CDON: variants seen among roughly 807,000 people sequenced by gnomAD.
CDON encodes cell adhesion associated, oncogene regulated.
A neutral mutation model predicts 120.9 loss-of-function variants in CDON; 73 were observed. The ratio of observed to expected loss-of-function variants is 0.60; its 90% confidence interval spans 0.50 to 0.73. The LOEUF (loss-of-function observed/expected upper bound fraction) is 0.73, where lower values mean the gene tolerates loss of function less well. CDON is among the 30% of genes least tolerant of loss of function. The pLI is 0.00. For synonymous variants in CDON, 566 were observed against 573.5 expected, an observed-to-expected ratio of 0.99 and a Z score of 0.19; for missense variants, 1,470 against 1,587.3, an observed-to-expected ratio of 0.93 and a Z score of 1.26.
chr11:126,031,544 C>G (rs1947945252), intron 1 of CDON, among the ~76,000 whole-genome samples: 1 of 152,134 alleles, frequency 6.6e-6, no homozygotes, highest in South Asian at 2.1e-4. Flanking sequence ...GTTTGGATGA[C>G]CTCAAACATT....
At chr11:126,058,376 C>A (rs547061437) in intron 1 of CDON, among the ~76,000 whole-genome samples, 16 of 152,162 alleles carry the variant, frequency 1.1e-4, no homozygotes, top group Admixed American at 4.6e-4. Context: ...TGCGGACAGG[C>A]ACAAACTGCA....
At chr11:125,992,618 A>C (rs1946663478) in intron 14 of CDON, among the ~76,000 whole-genome samples, 1 of 152,204 alleles carries the variant, frequency 6.6e-6, no homozygotes, top group African/African-American at 2.4e-5. Flanking sequence ...TCATTCCCTC[A>C]TTCAAAAAAT....
At chr11:125,992,986 A>G (rs1946672499) in intron 14 of CDON, among the ~76,000 whole-genome samples, 1 of 152,166 alleles carries the variant, frequency 6.6e-6, no homozygotes. Context: ...GCTTCAATTG[A>G]GCACTTCCAA....
chr11:126,051,136 G>C (rs887579914), intron 1 of CDON, among the ~76,000 whole-genome samples: 1 of 152,124 alleles, frequency 6.6e-6, no homozygotes, highest in African/African-American at 2.4e-5. Flanking sequence ...TGTAGCATTT[G>C]AGATGTGGTG....
intron 18 of CDON, among the ~76,000 whole-genome samples, chr11:125,970,463 G>A (rs371827763): frequency 4.6e-5 from 7 of 152,130 alleles, no homozygotes; most frequent in African/African-American, 1.2e-4. Flanking sequence ...GTGAGCCACC[G>A]CACCCGGCCA....
intron 18 of CDON, among the ~76,000 whole-genome samples, chr11:125,967,955 C>A (rs1945851848): frequency 6.6e-6 from 1 of 152,188 alleles, no homozygotes; most frequent in Non-Finnish European, 1.5e-5. Flanking sequence ...CTCCTAGGCT[C>A]AGGCAATCTT....
intron 7 of CDON, among the ~76,000 whole-genome samples, chr11:126,011,357 T>C (rs1388931055): frequency 6.6e-6 from 1 of 152,232 alleles, no homozygotes; most frequent in Non-Finnish European, 1.5e-5. Context: ...TGTCTTTTTC[T>C]CCAGTCCTCC....
chr11:126,021,853 CA>C (rs1250122563), intron 2 of CDON, among the ~76,000 whole-genome samples: 2 of 152,010 alleles, frequency 1.3e-5, no homozygotes, highest in Non-Finnish European at 2.9e-5. Flanking sequence ...CCTATAATAC[CA>C]GCACTTTGGG....
chr11:125,970,635 C>G (rs941804499), intron 18 of CDON, among the ~76,000 whole-genome samples: 5 of 152,174 alleles, frequency 3.3e-5, no homozygotes, highest in Non-Finnish European at 7.3e-5. Flanking sequence ...GATATCTGCT[C>G]TGTTGGATGC....
intron 16 of CDON, among the ~76,000 whole-genome samples, chr11:125,981,974 T>TTTC (rs1946323204): frequency 1.1e-5 from 1 of 91,774 alleles, no homozygotes; most frequent in Non-Finnish European, 1.9e-5. Flanking sequence ...TATTTTCTTT[T>TTTC]TTTTTTTTTT....
intron 1 of CDON, among the ~76,000 whole-genome samples, chr11:126,040,778 G>A (rs1470186368): frequency 8.3e-6 from 1 of 120,388 alleles, no homozygotes; most frequent in Non-Finnish European, 1.6e-5. Context: ...TGGTGCCACT[G>A]CACTCCAGCT....
intron 2 of CDON, among the ~76,000 whole-genome samples, 178 bp from the exon 3 acceptor site, chr11:126,021,698 T>G (rs1947643951): frequency 6.6e-6 from 1 of 152,230 alleles, no homozygotes; most frequent in African/African-American, 2.4e-5. Flanking sequence ...TAAGCCTATT[T>G]GTTGGAAGTA....
chr11:126,029,070 G>A (rs921412653), intron 1 of CDON, among the ~76,000 whole-genome samples: 1 of 152,174 alleles, frequency 6.6e-6, no homozygotes, highest in East Asian at 1.9e-4. Flanking sequence ...GCACATGAAG[G>A]TAACTCCCCA....
intron 6 of CDON, among the ~76,000 whole-genome samples, chr11:126,016,544 C>T (rs181861750): frequency 6.6e-6 from 1 of 152,230 alleles, no homozygotes; most frequent in East Asian, 1.9e-4. Context: ...ACCACCCTCC[C>T]ACCTCAGCCT....
At chr11:125,986,134 C>T (rs2134471017) in intron 15 of CDON, among the ~76,000 whole-genome samples, 1 of 152,262 alleles carries the variant, frequency 6.6e-6, no homozygotes, top group South Asian at 2.1e-4. Context: ...TACTATGCAG[C>T]CATGAAAAGG....
chr11:126,053,261 A>G (rs1948609041), intron 1 of CDON, among the ~76,000 whole-genome samples: 1 of 152,250 alleles, frequency 6.6e-6, no homozygotes, highest in Admixed American at 6.5e-5. Flanking sequence ...GGTACAACAT[A>G]GCAGTTAAGA....
intron 4 of CDON, 142 bp from the exon 5 acceptor site, chr11:126,018,615 C>T: frequency 1.3e-6 from 1 of 755,084 alleles, no homozygotes; most frequent in Non-Finnish European, 2.2e-6. Context: ...GTCACCCAGG[C>T]TGTAGTACAG....
chr11:126,027,229 G>T (rs1316334928), intron 1 of CDON, among the ~76,000 whole-genome samples: 4 of 152,168 alleles, frequency 2.6e-5, no homozygotes, highest in African/African-American at 9.7e-5. Flanking sequence ...CAAGGAGTTG[G>T]ATTCTGCTGT....
chr11:125,961,232 G>T, intron 19 of CDON, 127 bp from the exon 20 acceptor site: 2 of 867,414 alleles, frequency 2.3e-6, no homozygotes, highest in Non-Finnish European at 1.9e-6. Flanking sequence ...AACCTGGTTT[G>T]TGTGTGGTTT....
Sources: gnomAD v4.1 joint callset for allele counts (sites outside exome capture counted in the v4.1 genomes callset) on GRCh38, gnomAD v4.1.1 for gene constraint, MANE v1.5 for transcripts, NCBI Gene and HGNC (gene_info 2026-07-23, HGNC 2026-07-21) for gene names.